CDK13: variants seen among roughly 807,000 people sequenced by gnomAD.
CDK13 encodes cyclin dependent kinase 13.
Under a neutral mutation model 137.6 loss-of-function variants are expected in CDK13, and 40 were observed. The ratio of observed to expected loss-of-function variants is 0.29; its 90% CI spans 0.23 to 0.38. CDK13 has a LOEUF of 0.38. Ranked by LOEUF, CDK13 falls within the 10% of genes least tolerant of loss-of-function variation. The probability of loss-of-function intolerance (pLI) is 1.00; values close to 1 mark genes in which losing one functional copy is unlikely to be tolerated. For missense variants in CDK13, 1,704 were observed against 1,951.8 expected, an observed-to-expected ratio of 0.87 and a Z score of 2.39; for synonymous variants, 869 against 760.1, an observed-to-expected ratio of 1.14 and a Z score of -2.36.
intron 2 of CDK13, among the ~76,000 whole-genome samples, chr7:39,992,163 G>GGT (rs140203379): frequency 0.018 from 2,617 of 146,346 alleles, 72 homozygotes; most frequent in African/African-American, 0.059. Flanking sequence ...AACTAATGAG[G>GGT]GTGTGTGTGT....
intron 5 of CDK13, among the ~76,000 whole-genome samples, chr7:40,032,644 A>C (rs996376410): frequency 6.6e-6 from 1 of 151,852 alleles, no homozygotes; most frequent in African/African-American, 2.4e-5. Flanking sequence ...TGAAAAGACT[A>C]TCCTTTCTCC....
intron 1 of CDK13, among the ~76,000 whole-genome samples, chr7:39,962,380 T>C (rs1783766094): frequency 6.6e-6 from 1 of 152,270 alleles, no homozygotes; most frequent in Non-Finnish European, 1.5e-5. Flanking sequence ...ATTTCTCTGA[T>C]GACCAGTGAT....
chr7:40,036,692 C>A (rs577243292), intron 5 of CDK13, among the ~76,000 whole-genome samples: 2 of 151,166 alleles, frequency 1.3e-5, no homozygotes, highest in East Asian at 3.9e-4. Flanking sequence ...ATTTACTTAT[C>A]CCTGTCAACT....
intron 1 of CDK13, among the ~76,000 whole-genome samples, chr7:39,987,315 A>T (rs944856661): frequency 6.6e-6 from 1 of 152,040 alleles, no homozygotes; most frequent in Admixed American, 6.6e-5. Flanking sequence ...CTTATTGCCT[A>T]CTTCTTTTTT....
chr7:40,001,112 C>G (rs958240662), intron 4 of CDK13, among the ~76,000 whole-genome samples: 4 of 151,624 alleles, frequency 2.6e-5, no homozygotes, highest in Non-Finnish European at 5.9e-5. Flanking sequence ...CTTCTCTGTT[C>G]AGAGAAATTT....
At chr7:40,056,944 G>A (rs1024496192) in intron 7 of CDK13, among the ~76,000 whole-genome samples, 6 of 152,196 alleles carry the variant, frequency 3.9e-5, no homozygotes, top group Non-Finnish European at 8.8e-5. Context: ...GTTTATATAT[G>A]TATTTCTCAC....
chr7:40,078,568 GTAT>G (rs923753162), intron 10 of CDK13, 149 bp from the exon 11 acceptor site: 4 of 341,910 alleles, frequency 1.2e-5, no homozygotes, highest in African/African-American at 6.4e-5. Flanking sequence ...TTGAAGTAAA[GTAT>G]TATGCACATA....
rs1406422334 is a variant in CDK13, at chr7:39,987,771, G to A, written c.1384G>A (p.Ala462Thr). The change falls in exon 2 of 14, where the codon GCA becomes ACA. Residue 462 changes from alanine to threonine, a missense_variant. By Grantham distance (58) the Ala-to-Thr change is moderately conservative. Around this residue, in one of 5 missense-constraint regions of CDK13, gnomAD observed 1,051 missense variants for 931.0 expected, o/e 1.13. Coordinates refer to ENST00000181839, the MANE Select transcript of CDK13 (RefSeq NM_003718.5). Reference protein sequence around the residue: ...ELNKNKKARAAEAARAAEAAK... With the variant: ...ELNKNKKARATEAARAAEAAK... ...GAACAAGAATAAAAAAGCACGAGCA[G>A]CAGAGGCAGCAAGAGCCGCAGAAGC... The A allele has an allele frequency of 1.9e-6, 3 of 1,614,142 alleles. No homozygotes were observed. Among genetic ancestry groups the A allele is most frequent in the Non-Finnish European group, 2.5e-6 (3 of 1,180,020 alleles).
At position 40,011,589 on chromosome 7, in the gene CDK13, G is replaced by C. The variant is rs138917346; in HGVS notation, c.2353+9558G>C. Among the ~76,000 whole-genome samples, 21 of 152,336 alleles carry C rather than the reference G, an allele frequency of 1.4e-4. No homozygotes were observed. The East Asian group carries it at 3.7e-3, about 27-fold the overall frequency. Reference sequence around the variant, plus strand: ...TGGGATAACTGGATATCCACACACAGAAGAATTAAGTTGGACCCCTTCATA... The same window carrying C: ...TGGGATAACTGGATATCCACACACACAAGAATTAAGTTGGACCCCTTCATA... On this transcript the variant is annotated intron_variant, in intron 5 of 13. Transcript: ENST00000181839.
intron 1 of CDK13, among the ~76,000 whole-genome samples, chr7:39,969,253 C>T (rs1482349045): frequency 6.6e-6 from 1 of 152,120 alleles, no homozygotes; most frequent in Non-Finnish European, 1.5e-5. Context: ...CTCAGGTGAT[C>T]CACCTGCCTC....
At chr7:40,039,711 C>T (rs374865528) in intron 5 of CDK13, among the ~76,000 whole-genome samples, 7 of 152,068 alleles carry the variant, frequency 4.6e-5, no homozygotes, top group African/African-American at 7.2e-5. Context: ...GGATTACAGG[C>T]GTGAGCCACC....
intron 1 of CDK13, among the ~76,000 whole-genome samples, chr7:39,971,111 T>C (rs1307589366): frequency 6.6e-6 from 1 of 152,258 alleles, no homozygotes; most frequent in Non-Finnish European, 1.5e-5. Context: ...CTTCAACCAT[T>C]GGATTTCAAG....
intron 5 of CDK13, among the ~76,000 whole-genome samples, chr7:40,026,495 A>G (rs1785246701): frequency 6.6e-6 from 1 of 152,266 alleles, no homozygotes; most frequent in Non-Finnish European, 1.5e-5. Flanking sequence ...CCTGGACAAC[A>G]GAATGAGACC....
Position 40,094,270 on chromosome 7 carries a change from T to C in CDK13, c.3829T>C (p.Tyr1277His). 6.2e-7 allele frequency: 1 copy of C among 1,612,598 alleles called. No individual in the cohort carries two copies. The highest frequency in any genetic ancestry group is 1.1e-5 in the South Asian group (1 of 90,838). ...ACCAGTCACTGAGGAAGATCTAGAT[T>C]ATCGGACAGAAAACCAGCATGTACC... ...PPPVTEEDLD[Y>H]RTENQHVPTT... is the part of the protein sequence containing the mutation. The change falls in exon 14 of 14, where the codon TAT (tyrosine) becomes CAT (histidine). Residue 1277 changes from tyrosine (Y) to histidine (H), a missense_variant. Transcript: ENST00000181839.
chr7:40,001,794 T>C, intron 4 of CDK13, 67 bp from the exon 5 acceptor site: 1 of 994,658 alleles, frequency 1.0e-6, no homozygotes, highest in South Asian at 1.4e-5. Flanking sequence ...AAAATACATT[T>C]AAAGTTAAGA....
chr7:39,952,372 C>T (rs1412012851), intron 1 of CDK13: 1 of 152,196 alleles, frequency 6.6e-6, no homozygotes, highest in African/African-American at 2.4e-5. Flanking sequence ...GAGAAGCAGC[C>T]TTTCTGTAAA....
intron 5 of CDK13, among the ~76,000 whole-genome samples, chr7:40,005,404 C>T (rs151068313): frequency 4.6e-4 from 70 of 151,740 alleles, no homozygotes; most frequent in African/African-American, 1.6e-3. Flanking sequence ...ATTCTCGTGC[C>T]TCAGCCTTCC....
chr7:40,091,197 T>C (rs1462422129), intron 12 of CDK13, among the ~76,000 whole-genome samples: 1 of 151,720 alleles, frequency 6.6e-6, no homozygotes, highest in Non-Finnish European at 1.5e-5. Context: ...TACAAAAAAT[T>C]AGCCGGGCGT....
chr7:40,059,499 C>T lies in CDK13; in HGVS notation c.2601-3327C>T, dbSNP rs556182334. ...TCAGCCTCCCAATTAGCTGGGATTA[C>T]AGATGCATGCCACCACGCCTGGCTA... On this transcript the variant is annotated intron_variant, in intron 7 of 13. Transcript: ENST00000181839. 7.2e-5 allele frequency among the ~76,000 whole-genome samples: 11 copies of T among 152,330 alleles called. No individual in the cohort carries two copies. The South Asian group carries it at 2.3e-3, about 32-fold the overall frequency.
Sources: gnomAD v4.1 joint callset for allele counts (sites outside exome capture counted in the v4.1 genomes callset) on GRCh38, gnomAD v4.1.1 for gene constraint, gnomAD v4.1.1 regional missense constraint, MANE v1.5 for transcripts, NCBI Gene and HGNC (gene_info 2026-07-23, HGNC 2026-07-21) for gene names.